PHTF2: variants seen among roughly 807,000 people sequenced by gnomAD.
PHTF2 encodes the protein putative homeodomain transcription factor 2.
In PHTF2, 60 loss-of-function variants were observed where a neutral mutation model predicts 101.2. The ratio of observed to expected loss-of-function variants is 0.59; its 90% CI spans 0.48 to 0.73. The LOEUF is 0.73. PHTF2 is among the 30% of genes least tolerant of loss of function. PHTF2 has a pLI of 0.00. For missense variants in PHTF2, 747 were observed against 908.7 expected (o/e 0.82, Z 2.29); for synonymous variants, 311 against 307.3 (o/e 1.01, Z -0.13).
chr7:77,911,620 C>T (rs1389739231), intron 9 of PHTF2, among the ~76,000 whole-genome samples: 2 of 152,100 alleles, frequency 1.3e-5, no homozygotes, highest in Non-Finnish European at 2.9e-5. Context: ...TGATTGTGCT[C>T]TTAGGATAAA....
intron 1 of PHTF2, among the ~76,000 whole-genome samples, chr7:77,834,254 C>T (rs1444220894): frequency 2.7e-5 from 4 of 146,362 alleles, no homozygotes; most frequent in East Asian, 2.0e-4. Context: ...TCGAAGCTGC[C>T]GTGAGCCCTG....
intron 1 of PHTF2, among the ~76,000 whole-genome samples, chr7:77,808,341 T>G (rs1793154183): frequency 6.6e-6 from 1 of 152,192 alleles, no homozygotes; most frequent in Non-Finnish European, 1.5e-5. Context: ...GGTCTTTAAT[T>G]TCTTTTAGCA....
At chr7:77,875,678 C>T (rs978346933) in intron 3 of PHTF2, among the ~76,000 whole-genome samples, 1 of 152,074 alleles carries the variant, frequency 6.6e-6, no homozygotes, top group Non-Finnish European at 1.5e-5. Context: ...CTGCCTCAGC[C>T]TCCCGAGTAG....
intron 12 of PHTF2, among the ~76,000 whole-genome samples, chr7:77,935,240 T>C (rs1031535154): frequency 2.1e-4 from 25 of 119,642 alleles, no homozygotes; most frequent in African/African-American, 6.1e-4. Context: ...TTTTTTTTTT[T>C]CAGACGGAGT....
intron 3 of PHTF2, among the ~76,000 whole-genome samples, chr7:77,857,886 T>C (rs1797313545): frequency 6.6e-6 from 1 of 152,224 alleles, no homozygotes; most frequent in South Asian, 2.1e-4. Flanking sequence ...GAGTTATTGC[T>C]TTATATTCCT....
chr7:77,899,563 G>A (rs1300512288), intron 5 of PHTF2, among the ~76,000 whole-genome samples: 1 of 152,096 alleles, frequency 6.6e-6, no homozygotes, highest in African/African-American at 2.4e-5. Context: ...TCTCTGGGTG[G>A]TTTGCAACTT....
intron 5 of PHTF2, among the ~76,000 whole-genome samples, chr7:77,899,473 A>T (rs1801186199): frequency 6.6e-6 from 1 of 152,104 alleles, no homozygotes; most frequent in Non-Finnish European, 1.5e-5. Flanking sequence ...GAATCTGAGA[A>T]TATGAGGATC....
chr7:77,890,026 C>CG (rs994329166), intron 3 of PHTF2, among the ~76,000 whole-genome samples: 3 of 149,436 alleles, frequency 2.0e-5, no homozygotes, highest in Non-Finnish European at 3.0e-5. Flanking sequence ...AGACGCGCCC[C>CG]CCCCCACCAC....
chr7:77,872,270 G>A (rs1174825103), intron 3 of PHTF2, among the ~76,000 whole-genome samples: 1 of 152,158 alleles, frequency 6.6e-6, no homozygotes, highest in Admixed American at 6.5e-5. Context: ...CTCTCCACTT[G>A]ATTGTTAAAA....
At chr7:77,830,309 A>G (rs1794982381) in intron 1 of PHTF2, among the ~76,000 whole-genome samples, 1 of 152,192 alleles carries the variant, frequency 6.6e-6, no homozygotes, top group South Asian at 2.1e-4. Context: ...TTTCCTGTAT[A>G]TACATACTTA....
chr7:77,821,003 C>T (rs1794242740), intron 1 of PHTF2, among the ~76,000 whole-genome samples: 1 of 152,138 alleles, frequency 6.6e-6, no homozygotes, highest in Admixed American at 6.5e-5. Flanking sequence ...CTCCCTTGAG[C>T]ATTTCTTATA....
At chr7:77,885,820 G>A (rs1799792817) in intron 3 of PHTF2, among the ~76,000 whole-genome samples, 2 of 152,158 alleles carry the variant, frequency 1.3e-5, no homozygotes, top group East Asian at 3.8e-4. Context: ...ATTGGCCTCT[G>A]ATGTTTGTTG....
intron 4 of PHTF2, 95 bp downstream of exon 3, chr7:77,893,759 A>G: frequency 1.6e-6 from 1 of 629,410 alleles, no homozygotes; most frequent in Non-Finnish European, 2.8e-6. Context: ...CTTTTAAGAT[A>G]TAAATTACTA....
intron 11 of PHTF2, chr7:77,923,470 T>A: frequency 1.0e-6 from 1 of 985,398 alleles, no homozygotes; most frequent in Non-Finnish European, 1.2e-6. Context: ...AAACACATGT[T>A]ACGCTGTGCT....
chr7:77,850,347 C>A (rs1417542401), intron 2 of PHTF2, among the ~76,000 whole-genome samples: 4 of 96,170 alleles, frequency 4.2e-5, no homozygotes, highest in Non-Finnish European at 7.6e-5. Context: ...AAAGACAAAG[C>A]AAGACCTTGT....
chr7:77,859,809 A>G (rs1037496129), intron 3 of PHTF2, among the ~76,000 whole-genome samples: 1 of 152,098 alleles, frequency 6.6e-6, no homozygotes, highest in African/African-American at 2.4e-5. Context: ...TCTTGGGCTG[A>G]AGCAATCCTC....
chr7:77,829,997 A>G (rs1291812682), intron 1 of PHTF2, among the ~76,000 whole-genome samples: 5 of 152,158 alleles, frequency 3.3e-5, no homozygotes, highest in African/African-American at 4.8e-5. Context: ...AGAGTTTTCA[A>G]TTCTAGCCCT....
chr7:77,833,422 A>G (rs1369976176), intron 1 of PHTF2, among the ~76,000 whole-genome samples: 1 of 152,192 alleles, frequency 6.6e-6, no homozygotes, highest in African/African-American at 2.4e-5. Flanking sequence ...TGGAATAATA[A>G]TATGAGAGTC....
chr7:77,901,687 T>C (rs1459592573), intron 6 of PHTF2, 75 bp from the exon 6 acceptor site: 4 of 748,246 alleles, frequency 5.3e-6, no homozygotes, highest in East Asian at 3.2e-5. Flanking sequence ...TTTTCAAACA[T>C]TGAAATTTTT....
Sources: gnomAD v4.1 joint callset for allele counts (sites outside exome capture counted in the v4.1 genomes callset) on GRCh38, gnomAD v4.1.1 for gene constraint, MANE v1.5 for transcripts, NCBI Gene and HGNC (gene_info 2026-07-23, HGNC 2026-07-21) for gene names.